The following KCNH1 variants were observed in gnomAD, a reference collection of about 807,000 sequenced individuals.
The protein encoded by KCNH1 is voltage-gated delayed rectifier potassium channel KCNH1.
In KCNH1, 27 loss-of-function variants were observed where a neutral mutation model predicts 69.2. That is an observed-to-expected ratio of 0.39 (90% confidence interval 0.29 to 0.54). The LOEUF is 0.54. Ranked by LOEUF, KCNH1 falls within the 20% of genes least tolerant of loss-of-function variation. The pLI is 0.68. For missense variants in KCNH1, 798 were observed against 1,261.6 expected, an observed-to-expected ratio of 0.63 and a Z score of 5.57; for synonymous variants, 456 against 487.7, an observed-to-expected ratio of 0.93 and a Z score of 0.86.
At position 211,019,261 on chromosome 1, in the gene KCNH1, A is replaced by G; in HGVS notation, c.559-5T>C. On this transcript the variant is annotated splice_polypyrimidine_tract_variant and splice_region_variant and intron_variant, in intron 5 of 10. Transcript: ENST00000271751. The stretch of plus-strand genomic sequence containing the variant: ...GTCTGAGCCCAGCTGTAGGACCTGT[A>G]CAGAAAAACATGACCAAGAGAGAAC... 6.4e-7 allele frequency: 1 copy of G among 1,571,942 alleles called. No homozygotes were observed. Among genetic ancestry groups the G allele is most frequent in the Non-Finnish European group, 8.6e-7 (1 of 1,157,626 alleles).
chr1:210,917,229 G>GAGAGAGAGAGAA (rs1430374011), intron 7 of KCNH1, among the ~76,000 whole-genome samples: 8 of 78,870 alleles, frequency 1.0e-4, no homozygotes, highest in East Asian at 4.0e-4. Flanking sequence ...GAGAGAGAGA[G>GAGAGAGAGAGAA]AGAAAGAAAG....
intron 6 of KCNH1, among the ~76,000 whole-genome samples, chr1:211,016,703 G>A (rs958112925): frequency 2.0e-5 from 3 of 151,924 alleles, no homozygotes; most frequent in Admixed American, 2.0e-4. Flanking sequence ...GAGGTCAGGA[G>A]TTCAAGACCA....
chr1:211,047,473 A>G (rs1690114163), intron 5 of KCNH1, among the ~76,000 whole-genome samples: 1 of 152,222 alleles, frequency 6.6e-6, no homozygotes, highest in South Asian at 2.1e-4. Context: ...CTAAAAACAC[A>G]GTAAGTTCAT....
intron 6 of KCNH1, among the ~76,000 whole-genome samples, chr1:210,936,270 G>C (rs1687773206): frequency 1.3e-5 from 2 of 152,062 alleles, no homozygotes; most frequent in African/African-American, 4.8e-5. Flanking sequence ...CCTCCTTTTC[G>C]ATGCTTCCCT....
chr1:210,832,907 C>CATATATATATATATATATATAT (rs367619819), intron 7 of KCNH1, among the ~76,000 whole-genome samples: 1,286 of 110,450 alleles, frequency 0.012, 37 homozygotes, highest in Middle Eastern at 0.019. Context: ...TTCTCAAATA[C>CATATATATATATATATATATAT]ATATATATAT....
intron 7 of KCNH1, among the ~76,000 whole-genome samples, chr1:210,806,815 A>T (rs1335384806): frequency 0.11 from 1,107 of 9,654 alleles, 144 homozygotes; most frequent in Middle Eastern, 0.2. Context: ...ACCAAAAAAA[A>T]AAAAAAAAAA....
chr1:210,865,892 A>C lies in KCNH1; in HGVS notation c.1462+53748T>G, dbSNP rs1245879081. Among the ~76,000 whole-genome samples, 4 of 152,194 alleles carry C rather than the reference A, an allele frequency of 2.6e-5. No individual in the cohort carries two copies. The East Asian group carries it at 7.7e-4, about 29-fold the overall frequency. On this transcript the variant is annotated intron_variant, in intron 7 of 10. Transcript: ENST00000271751. ...ATGAAATGGGTGAATTCCCATTTTG[A>C]TCCTTATTGTCATTCTCCATCTCAG...
chr1:210,833,908 T>C (rs2102443244), intron 7 of KCNH1, among the ~76,000 whole-genome samples: 1 of 152,294 alleles, frequency 6.6e-6, no homozygotes, highest in African/African-American at 2.4e-5. Context: ...AGAAGACATT[T>C]ATGCAGACAA....
chr1:211,016,938 A>C (rs1232617412), intron 6 of KCNH1, among the ~76,000 whole-genome samples: 1 of 151,644 alleles, frequency 6.6e-6, no homozygotes, highest in Non-Finnish European at 1.5e-5. Flanking sequence ...AAATTAAAAA[A>C]AAAAATTCTC....
At chr1:211,027,460 C>A (rs574784248) in intron 5 of KCNH1, among the ~76,000 whole-genome samples, 1 of 148,488 alleles carries the variant, frequency 6.7e-6, no homozygotes, top group South Asian at 2.1e-4. Flanking sequence ...TAAAAGTTGC[C>A]GTGCCTGGTG....
chr1:210,877,217 A>G (rs776388040), intron 7 of KCNH1, among the ~76,000 whole-genome samples: 6 of 152,172 alleles, frequency 3.9e-5, no homozygotes, highest in Non-Finnish European at 8.8e-5. Context: ...TGATGTGGTC[A>G]TTCATATGAG....
chr1:210,699,818 G>A (rs1386660410), intron 10 of KCNH1, among the ~76,000 whole-genome samples: 1 of 152,158 alleles, frequency 6.6e-6, no homozygotes, highest in Non-Finnish European at 1.5e-5. Flanking sequence ...TTTATTTTAT[G>A]AATGTGGACG....
intron 6 of KCNH1, among the ~76,000 whole-genome samples, chr1:211,002,190 A>C (rs532222918): frequency 6.6e-5 from 10 of 152,094 alleles, no homozygotes; most frequent in African/African-American, 2.4e-4. Context: ...TAGAACTTAA[A>C]GTATAATAAT....
intron 10 of KCNH1, among the ~76,000 whole-genome samples, chr1:210,741,919 A>C (rs1558449841): frequency 6.6e-6 from 1 of 152,198 alleles, no homozygotes; most frequent in Non-Finnish European, 1.5e-5. Context: ...CCGCTAGATT[A>C]AAGAGCATGG....
intron 9 of KCNH1, among the ~76,000 whole-genome samples, chr1:210,777,416 A>C (rs895972174): frequency 1.3e-5 from 2 of 152,140 alleles, no homozygotes; most frequent in Non-Finnish European, 2.9e-5. Flanking sequence ...TTCCAGGCAA[A>C]TATGTCTTTA....
chr1:211,065,564 A>G (rs1005236492), intron 5 of KCNH1, among the ~76,000 whole-genome samples: 1 of 152,202 alleles, frequency 6.6e-6, no homozygotes, highest in Non-Finnish European at 1.5e-5. Context: ...GATCTATTGT[A>G]TAACATGATG....
intron 5 of KCNH1, among the ~76,000 whole-genome samples, chr1:211,041,686 C>A (rs1278384262): frequency 6.6e-6 from 1 of 152,162 alleles, no homozygotes; most frequent in Non-Finnish European, 1.5e-5. Context: ...GACCTACAAT[C>A]CCCTGCCTAT....
In KCNH1 at chr1:210,869,484, C is replaced by CGTGTGTGT. The variant is rs61235458; in HGVS notation, c.1462+50148_1462+50155dup. ...ACTGATTTTTCTCCTAGTTATAAGT[C>CGTGTGTGT]GTGTGTGTGTGTGTGTGTGTGTGTG... On this transcript the variant is annotated intron_variant, in intron 7 of 10. Coordinates refer to ENST00000271751, the MANE Select transcript of KCNH1 (RefSeq NM_172362.3). Among the ~76,000 whole-genome samples, 221 of 137,016 alleles carry CGTGTGTGT rather than the reference C, an allele frequency of 1.6e-3. 2 individuals carry two copies. The highest frequency in any genetic ancestry group is 8.4e-3 in the East Asian group (37 of 4,414). 89.9% of individuals were successfully genotyped at this position (137,016 alleles called of 152,430 possible). A position where few individuals can be genotyped will look rare whatever the true frequency, so the allele number is the denominator to read the frequency against.
chr1:210,705,691 G>A (rs1034785668), intron 10 of KCNH1, among the ~76,000 whole-genome samples: 1 of 152,194 alleles, frequency 6.6e-6, no homozygotes, highest in Non-Finnish European at 1.5e-5. Flanking sequence ...GAGGTCTCCT[G>A]ATCTCTCCTT....
Sources: gnomAD v4.1 joint callset for allele counts (sites outside exome capture counted in the v4.1 genomes callset) on GRCh38, gnomAD v4.1.1 for gene constraint, MANE v1.5 for transcripts, NCBI Gene and HGNC (gene_info 2026-07-23, HGNC 2026-07-21) for gene names.